The following FCHSD2 variants were observed in gnomAD, a reference collection of about 807,000 sequenced individuals.
FCHSD2 encodes FCH and double SH3 domains 2, also known as F-BAR and double SH3 domains protein 2.
In FCHSD2, 38 loss-of-function variants were observed where a neutral mutation model predicts 108.1. The observed-to-expected ratio is 0.35, with a 90% CI of 0.27 to 0.46. FCHSD2 has a LOEUF of 0.46. Among genes scored for constraint, FCHSD2 ranks in the 20% least tolerant of loss-of-function variants. The pLI is 1.00. For missense variants in FCHSD2, 751 were observed against 897.8 expected (o/e 0.84, Z 2.09); for synonymous variants, 279 against 314.7 (o/e 0.89, Z 1.20).
chr11:72,843,228 A>C lies in FCHSD2; in HGVS notation c.1628T>G (p.Leu543Trp). The C allele has an allele frequency of 1.9e-6, 3 of 1,614,062 alleles. No individual in the cohort carries two copies. The highest frequency in any genetic ancestry group is 2.5e-6 in the Non-Finnish European group (3 of 1,179,898). Residue 543 changes from leucine to tryptophan, a missense_variant, in exon 16 of 20, where the codon TTG becomes TGG. By Grantham distance (61) the Leu-to-Trp change is moderately conservative (BLOSUM62 -2). Transcript: ENST00000409418. ...GCTGGACGTGTGTGACCGACTGTCC[A>C]AAGCGGCCAGGGACTGCAGCATGCT... The part of the protein sequence containing the change: ...LLSMLQSLAA[L>W]DSRSHTSSNS...
intron 13 of FCHSD2, among the ~76,000 whole-genome samples, chr11:72,850,732 T>G (rs1440772531): frequency 2.0e-5 from 3 of 152,102 alleles, no homozygotes; most frequent in African/African-American, 7.2e-5. Context: ...CTTTCACTTT[T>G]CACTGTTAAG....
At chr11:73,023,864 T>A (rs1429075415) in intron 3 of FCHSD2, among the ~76,000 whole-genome samples, 3 of 152,160 alleles carry the variant, frequency 2.0e-5, no homozygotes, top group Admixed American at 2.0e-4. Flanking sequence ...CTTGGATGAA[T>A]CTTAAAATGC....
intron 3 of FCHSD2, among the ~76,000 whole-genome samples, chr11:73,016,248 A>G (rs1408811074): frequency 6.6e-6 from 1 of 151,284 alleles, no homozygotes; most frequent in African/African-American, 2.4e-5. Context: ...GGCTGCAGTG[A>G]GCCGAGACTG....
At chr11:72,840,426 TG>T (rs1217822523) in intron 19 of FCHSD2, among the ~76,000 whole-genome samples, 1 of 151,980 alleles carries the variant, frequency 6.6e-6, no homozygotes, top group Non-Finnish European at 1.5e-5. Flanking sequence ...GGCAGTAGAG[TG>T]AAGGGTGAGG....
chr11:72,928,968 C>CTGT (rs1409493042), intron 8 of FCHSD2, among the ~76,000 whole-genome samples: 11 of 151,296 alleles, frequency 7.3e-5, no homozygotes, highest in Admixed American at 2.0e-4. Flanking sequence ...TGAGAACATG[C>CTGT]GGTGTTTGGT....
At chr11:73,014,607 G>T (rs80333555) in intron 4 of FCHSD2, among the ~76,000 whole-genome samples, 2,037 of 152,168 alleles carry the variant, frequency 0.013, 47 homozygotes, top group African/African-American at 0.045. Flanking sequence ...ATCATCTGAT[G>T]TCAATCATCA....
At chr11:72,937,306 G>A (rs952063454) in intron 8 of FCHSD2, among the ~76,000 whole-genome samples, 1 of 152,196 alleles carries the variant, frequency 6.6e-6, no homozygotes, top group African/African-American at 2.4e-5. Flanking sequence ...AGTTTAGTCT[G>A]AGAATTTTGC....
At chr11:72,919,880 T>A (rs912443938) in intron 9 of FCHSD2, among the ~76,000 whole-genome samples, 1 of 152,006 alleles carries the variant, frequency 6.6e-6, no homozygotes, top group Admixed American at 6.6e-5. Flanking sequence ...CCCTACCACA[T>A]ATTCCAACTG....
intron 3 of FCHSD2, among the ~76,000 whole-genome samples, chr11:73,067,130 T>C (rs1219600484): frequency 6.6e-6 from 1 of 152,150 alleles, no homozygotes; most frequent in Non-Finnish European, 1.5e-5. Context: ...GTGGCACATA[T>C]ACACCATGGA....
intron 8 of FCHSD2, among the ~76,000 whole-genome samples, chr11:72,930,646 G>T (rs1389465544): frequency 2.6e-5 from 4 of 152,136 alleles, no homozygotes; most frequent in African/African-American, 4.8e-5. Context: ...TTGGGAGCCT[G>T]AGGCATAAGA....
intron 2 of FCHSD2, among the ~76,000 whole-genome samples, chr11:73,119,602 AT>A (rs1860684802): frequency 6.6e-6 from 1 of 152,106 alleles, no homozygotes; most frequent in African/African-American, 2.4e-5. Flanking sequence ...ACATGCCACC[AT>A]ACCTGGCTAA....
chr11:73,140,837 G>C (rs1333415724), intron 1 of FCHSD2, among the ~76,000 whole-genome samples: 1 of 152,236 alleles, frequency 6.6e-6, no homozygotes, highest in South Asian at 2.1e-4. Context: ...CGGGGCCCCA[G>C]GGTTCGAAGT....
intron 8 of FCHSD2, among the ~76,000 whole-genome samples, chr11:72,930,618 A>C (rs1451949066): frequency 6.6e-6 from 1 of 152,090 alleles, no homozygotes; most frequent in Non-Finnish European, 1.5e-5. Flanking sequence ...GGTGGTGCCC[A>C]TCCGTAGTCC....
chr11:73,079,617 T>C (rs1859635750), intron 3 of FCHSD2, among the ~76,000 whole-genome samples: 1 of 152,114 alleles, frequency 6.6e-6, no homozygotes, highest in Non-Finnish European at 1.5e-5. Context: ...AGAAAGAATA[T>C]GCTAATTATT....
chr11:72,891,524 T>C (rs1191244195), intron 10 of FCHSD2, among the ~76,000 whole-genome samples: 1 of 152,246 alleles, frequency 6.6e-6, no homozygotes, highest in African/African-American at 2.4e-5. Flanking sequence ...TATTTTGCTT[T>C]GCAAATGAAT....
At chr11:72,849,615 C>T in intron 14 of FCHSD2, 140 bp downstream of exon 14, 1 of 683,992 alleles carries the variant, frequency 1.5e-6, no homozygotes. Flanking sequence ...CTAAACTCAT[C>T]ACCATTCTGT....
intron 8 of FCHSD2, among the ~76,000 whole-genome samples, chr11:72,937,316 C>T (rs1856323291): frequency 6.6e-6 from 1 of 152,194 alleles, no homozygotes; most frequent in Admixed American, 6.5e-5. Context: ...GAGAATTTTG[C>T]TATATTCATC....
chr11:73,014,147 T>G (rs1014624065), intron 4 of FCHSD2, among the ~76,000 whole-genome samples: 4 of 140,840 alleles, frequency 2.8e-5, no homozygotes, highest in Non-Finnish European at 4.6e-5. Flanking sequence ...TTTTTTTTTT[T>G]GGGAGACAGA....
At chr11:73,006,380 G>A (rs1291066688) in intron 4 of FCHSD2, among the ~76,000 whole-genome samples, 1 of 152,154 alleles carries the variant, frequency 6.6e-6, no homozygotes, top group Admixed American at 6.5e-5. Flanking sequence ...CTCACTGACA[G>A]CAACTCAAAC....
Sources: gnomAD v4.1 joint callset for allele counts (sites outside exome capture counted in the v4.1 genomes callset) on GRCh38, gnomAD v4.1.1 for gene constraint, MANE v1.5 for transcripts, NCBI Gene and HGNC (gene_info 2026-07-23, HGNC 2026-07-21) for gene names.